The following MORC1 variants were observed in gnomAD, a reference collection of about 807,000 sequenced individuals.
MORC1 encodes the protein MORC family CW-type zinc finger protein 1.
MORC1 carries 59 observed loss-of-function variants against 134.9 expected under a neutral mutation model. That is an observed-to-expected ratio of 0.44 (90% CI 0.35 to 0.54). The LOEUF is 0.54. Ranked by LOEUF, MORC1 falls within the 20% of genes least tolerant of loss-of-function variation. The probability of loss-of-function intolerance (pLI) is 0.00; values close to 1 mark genes in which losing one functional copy is unlikely to be tolerated. For synonymous variants in MORC1, 395 were observed against 391.7 expected (o/e 1.01, Z -0.10); for missense variants, 947 against 1,134.5 (o/e 0.83, Z 2.37).
At chr3:109,096,892 A>G (rs1950840295) in intron 6 of MORC1, among the ~76,000 whole-genome samples, 1 of 152,208 alleles carries the variant, frequency 6.6e-6, no homozygotes, top group Admixed American at 6.5e-5. Context: ...AAGCAAAAAT[A>G]TAAAACTCAG....
At chr3:109,109,771 C>G (rs1480438520) in intron 3 of MORC1, 2 of 152,254 alleles carry the variant, frequency 1.3e-5, no homozygotes, top group Non-Finnish European at 2.9e-5. Flanking sequence ...TAGGAGAGAG[C>G]TGCCTGCAGA....
intron 21 of MORC1, among the ~76,000 whole-genome samples, chr3:108,989,462 T>C (rs1947986725): frequency 6.6e-6 from 1 of 152,016 alleles, no homozygotes; most frequent in Non-Finnish European, 1.5e-5. Context: ...TGGATCAACA[T>C]AATACTGCAT....
chr3:108,982,025 T>C (rs773738783), intron 23 of MORC1, among the ~76,000 whole-genome samples: 51 of 152,142 alleles, frequency 3.4e-4, no homozygotes, highest in South Asian at 6.2e-4. Flanking sequence ...AGGGCTAATA[T>C]CCAGAATCTA....
chr3:108,964,110 C>T (rs57662471), intron 26 of MORC1, among the ~76,000 whole-genome samples: 1,738 of 152,244 alleles, frequency 0.011, 35 homozygotes, highest in African/African-American at 0.038. Context: ...AAGAGGAATT[C>T]CTGTTCTCAC....
Position 109,032,736 on chromosome 3 carries a change from T to A in MORC1, c.1549A>T (p.Asn517Tyr). 1 of 1,595,148 alleles carries A rather than the reference T, an allele frequency of 6.3e-7. No individual in the cohort carries two copies. The highest frequency in any genetic ancestry group is 8.6e-7 in the Non-Finnish European group (1 of 1,167,872). Residue 517 changes from asparagine to tyrosine, a missense_variant, in exon 16 of 28, where the codon AAC (asparagine) becomes TAC (tyrosine). Asn to Tyr is a moderately radical substitution (Grantham distance 143, BLOSUM62 -2). Coordinates refer to ENST00000232603, the MANE Select transcript of MORC1 (RefSeq NM_014429.4). ...CAAAAATACCTGTTTTCCAAGCGGT[T>A]GGGATTATTAGCACAAATCCAAATG... ...FDIWICANNP[N>Y]RLENSCHQVE...
In MORC1 at chr3:109,099,352, T is replaced by G; in HGVS notation, c.423+6A>C. On this transcript the variant is annotated splice_donor_region_variant and intron_variant, in intron 6 of 27. Coordinates refer to ENST00000232603, the MANE Select transcript of MORC1 (RefSeq NM_014429.4). ...ATGGGAACAGAAGGAAAACTTCAAC[T>G]CTTACCTCACTAAGACTTTCTTCTT... is the stretch of plus-strand genomic sequence containing the variant. 1 of 1,599,180 alleles carries G rather than the reference T, an allele frequency of 6.3e-7. No homozygotes were observed. Among genetic ancestry groups the G allele is most frequent in the Non-Finnish European group, 8.5e-7 (1 of 1,171,730 alleles).
intron 27 of MORC1, among the ~76,000 whole-genome samples, chr3:108,960,003 T>A (rs1020677954): frequency 3.9e-5 from 6 of 152,098 alleles, no homozygotes; most frequent in African/African-American, 1.4e-4. Flanking sequence ...CAGAGAAGGA[T>A]GAGATTAGAC....
At chr3:109,047,682 T>C (rs1371951896) in intron 14 of MORC1, among the ~76,000 whole-genome samples, 1 of 152,154 alleles carries the variant, frequency 6.6e-6, no homozygotes, top group Admixed American at 6.5e-5. Flanking sequence ...AATGTCTATA[T>C]CATATTTTAA....
At chr3:109,058,446 T>G (rs1950010487) in intron 12 of MORC1, among the ~76,000 whole-genome samples, 1 of 152,094 alleles carries the variant, frequency 6.6e-6, no homozygotes, top group South Asian at 2.1e-4. Context: ...AGCTCCCCTC[T>G]CTCCACAAAC....
Position 109,059,829 on chromosome 3 carries a change from T to C in MORC1, c.1008A>G (p.Gln336=). Residue 336 remains glutamine, a synonymous_variant, in exon 12 of 28, where the codon CAA becomes CAG. Coordinates refer to ENST00000232603, the MANE Select transcript of MORC1 (RefSeq NM_014429.4). ...QRALEDVEAK[Q]KNLKEKQREL... is the part of the protein sequence containing the mutation. ...ACCTTTGTTTCTCTTTAAGATTCTT[T>C]TGCTTTGCTTCTACATCTTCCAAAG... 2 of 1,612,790 alleles carry C rather than the reference T, an allele frequency of 1.2e-6. No homozygotes were observed. The highest frequency in any genetic ancestry group is 8.5e-7 in the Non-Finnish European group (1 of 1,179,352).
At chr3:108,972,764 G>A (rs1173824136) in intron 24 of MORC1, among the ~76,000 whole-genome samples, 2 of 152,124 alleles carry the variant, frequency 1.3e-5, no homozygotes, top group East Asian at 1.9e-4. Context: ...TCAAATTCAG[G>A]CTCCCTTTCC....
chr3:109,025,689 T>C (rs1450367148), intron 17 of MORC1, among the ~76,000 whole-genome samples: 3 of 152,168 alleles, frequency 2.0e-5, no homozygotes, highest in African/African-American at 7.2e-5. Context: ...AACACCCCTA[T>C]ATAACTTTCT....
chr3:109,084,691 A>C (rs1382737061), intron 8 of MORC1, among the ~76,000 whole-genome samples: 1 of 152,142 alleles, frequency 6.6e-6, no homozygotes, highest in Non-Finnish European at 1.5e-5. Context: ...TGAATAGCCA[A>C]AGCAATCCTG....
Position 108,963,475 on chromosome 3 carries a change from G to A in MORC1, c.2738C>T (p.Ser913Phe). 6.2e-7 allele frequency: 1 copy of A among 1,612,378 alleles called. No homozygotes were observed. Among genetic ancestry groups the A allele is most frequent in the Non-Finnish European group, 8.5e-7 (1 of 1,179,660 alleles). ...LGQCENKRKISEDKLKNLRIK... is the reference protein window; with the variant it reads ...LGQCENKRKIFEDKLKNLRIK... Reference sequence around the variant, plus strand: ...ACGAAGATTCTTCAGCTTATCCTCAGAGATTTTTCTTTTATTTTCACATTG... The same window carrying A: ...ACGAAGATTCTTCAGCTTATCCTCAAAGATTTTTCTTTTATTTTCACATTG... The change falls in exon 27 of 28, where the codon TCT (serine) becomes TTT (phenylalanine). Residue 913 changes from serine to phenylalanine, a missense_variant. This residue lies in a region of MORC1 where 722 missense variants were observed against 817.0 expected (regional missense o/e 0.88). Transcript: ENST00000232603.
chr3:109,060,031 G>A (rs1294526877), intron 11 of MORC1, among the ~76,000 whole-genome samples, 161 bp from the exon 12 acceptor site: 1 of 152,140 alleles, frequency 6.6e-6, no homozygotes, highest in Non-Finnish European at 1.5e-5. Context: ...AAATTATTCA[G>A]TTCCAATACT....
chr3:109,054,783 A>G lies in MORC1; in HGVS notation c.1275T>C (p.His425=). The part of the protein sequence containing the change: ...QEFLNVQEYN[H]LLKVMGQYLV... ...AGTACTGTCCCATGACTTTTAGTAGATGATTATACTCTTGGACATTGAGAA... is the reference window on the plus strand; with the variant it reads ...AGTACTGTCCCATGACTTTTAGTAGGTGATTATACTCTTGGACATTGAGAA... The change falls in exon 14 of 28, where the codon CAT becomes CAC. Residue 425 remains histidine (H), a synonymous_variant. Transcript: ENST00000232603. 6.2e-7 allele frequency: 1 copy of G among 1,602,292 alleles called. No individual in the cohort carries two copies. Among genetic ancestry groups the G allele is most frequent in the Non-Finnish European group, 8.5e-7 (1 of 1,177,270 alleles).
intron 4 of MORC1, among the ~76,000 whole-genome samples, chr3:109,102,072 A>G (rs961263439): frequency 6.6e-6 from 1 of 152,242 alleles, no homozygotes; most frequent in African/African-American, 2.4e-5. Context: ...ACTAATAAAT[A>G]AGATCATTTC....
At chr3:108,975,784 T>C (rs1947533490) in intron 24 of MORC1, among the ~76,000 whole-genome samples, 1 of 152,088 alleles carries the variant, frequency 6.6e-6, no homozygotes, top group Non-Finnish European at 1.5e-5. Flanking sequence ...GCTATTATTA[T>C]TATTATTGAA....
chr3:109,046,021 C>CA (rs1189631575), intron 14 of MORC1, among the ~76,000 whole-genome samples: 2 of 152,000 alleles, frequency 1.3e-5, no homozygotes, highest in African/African-American at 4.8e-5. Context: ...TATATGATGA[C>CA]AAAAAATAAA....
Sources: gnomAD v4.1 joint callset for allele counts (sites outside exome capture counted in the v4.1 genomes callset) on GRCh38, gnomAD v4.1.1 for gene constraint, gnomAD v4.1.1 regional missense constraint, MANE v1.5 for transcripts, NCBI Gene and HGNC (gene_info 2026-07-23, HGNC 2026-07-21) for gene names.